Variants in ACTR2 observed in about 807,000 individuals in gnomAD.
The protein encoded by ACTR2 is actin-related protein 2.
In ACTR2, 5 loss-of-function variants were observed where a neutral mutation model predicts 50.2. That is an observed-to-expected ratio of 0.10 (90% CI 0.05 to 0.21). ACTR2 has a LOEUF of 0.21. Among genes scored for constraint, ACTR2 ranks in the 10% least tolerant of loss-of-function variants. ACTR2 has a pLI of 1.00. For missense variants in ACTR2, 180 were observed against 480.6 expected (o/e 0.37, Z 5.85); for synonymous variants, 140 against 162.9 (o/e 0.86, Z 1.07).
At position 65,253,805 on chromosome 2, in the gene ACTR2, C is replaced by T. The variant is rs750220184; in HGVS notation, c.526C>T (p.Pro176Ser). 1.9e-6 allele frequency: 3 copies of T among 1,613,416 alleles called. No individual in the cohort carries two copies. Among genetic ancestry groups the T allele is most frequent in the Non-Finnish European group, 2.5e-6 (3 of 1,179,476 alleles). ...CCCAGTATATGAAGGCTTTTCTCTC[C>T]CTCATCTTACCAGGAGACTGGATAT... ...ICPVYEGFSL[P>S]HLTRRLDIAG... Residue 176 changes from proline (P) to serine (S), a missense_variant, in exon 5 of 9, where the codon CCT becomes TCT. By Grantham distance (74) the Pro-to-Ser change is moderately conservative. Coordinates refer to ENST00000260641, the MANE Select transcript of ACTR2 (RefSeq NM_005722.4).
chr2:65,260,392 G>C (rs1368959079), intron 6 of ACTR2, among the ~76,000 whole-genome samples: 1 of 152,124 alleles, frequency 6.6e-6, no homozygotes, highest in Non-Finnish European at 1.5e-5. Context: ...TGTAATCCGA[G>C]CTACTCAGGA....
At chr2:65,255,509 AT>A in intron 5 of ACTR2, 35 bp from the exon 6 acceptor site, 1 of 1,584,672 alleles carries the variant, frequency 6.3e-7, no homozygotes, top group South Asian at 1.1e-5. Flanking sequence ...ACTCATTCAG[AT>A]GTATTATGAA....
intron 1 of ACTR2, among the ~76,000 whole-genome samples, chr2:65,233,946 A>C (rs969512218): frequency 6.6e-6 from 1 of 151,184 alleles, no homozygotes; most frequent in Non-Finnish European, 1.5e-5. Context: ...TCTGTTGCCT[A>C]GGTGGGAGTG....
Position 65,264,308 on chromosome 2 carries a change from G to C in ACTR2, c.882-735G>C, listed in dbSNP as rs957254063. ...CTTGCTATGGCAATTAAATACAAAA[G>C]CAATGCTTTGTTAGAGTTGCAGTAG... On this transcript the variant is annotated intron_variant, in intron 7 of 8. Coordinates refer to ENST00000260641, the MANE Select transcript of ACTR2 (RefSeq NM_005722.4). Among the ~76,000 whole-genome samples, 6 of 152,150 alleles carry C rather than the reference G, an allele frequency of 3.9e-5. No homozygotes were observed. The East Asian group carries it at 1.2e-3, about 29-fold the overall frequency.
chr2:65,267,815 A>C (rs780618505), intron 8 of ACTR2, among the ~76,000 whole-genome samples: 9 of 148,678 alleles, frequency 6.1e-5, no homozygotes, highest in Non-Finnish European at 1.3e-4. Flanking sequence ...ATTGCCCTGG[A>C]CTAGAATCAT....
At chr2:65,245,693 A>G (rs1465016372) in intron 2 of ACTR2, among the ~76,000 whole-genome samples, 1 of 152,208 alleles carries the variant, frequency 6.6e-6, no homozygotes, top group African/African-American at 2.4e-5. Flanking sequence ...TCTAAAAATA[A>G]GTCTAAATGC....
chr2:65,250,839 C>T (rs1007728133), intron 3 of ACTR2, among the ~76,000 whole-genome samples, 188 bp from the exon 4 acceptor site: 2 of 152,062 alleles, frequency 1.3e-5, no homozygotes, highest in African/African-American at 4.8e-5. Context: ...AATCTGTCTT[C>T]AGATTTGGAG....
chr2:65,262,808 A>G (rs1381929464), intron 7 of ACTR2, among the ~76,000 whole-genome samples: 1 of 151,688 alleles, frequency 6.6e-6, no homozygotes, highest in Non-Finnish European at 1.5e-5. Flanking sequence ...ATTTTTTTCA[A>G]AAAGATTAGC....
intron 1 of ACTR2, among the ~76,000 whole-genome samples, chr2:65,229,259 C>T (rs1026457184): frequency 6.6e-6 from 1 of 152,054 alleles, no homozygotes; most frequent in African/African-American, 2.4e-5. Context: ...TTCTCCCCTC[C>T]CTCCCATAAA....
In ACTR2 at chr2:65,265,027, C is replaced by T. The variant is rs375903788; in HGVS notation, c.882-16C>T. The T allele has an allele frequency of 6.2e-7, 1 of 1,613,990 alleles. No individual in the cohort carries two copies. Among genetic ancestry groups the T allele is most frequent in the Non-Finnish European group, 8.5e-7 (1 of 1,179,928 alleles). On this transcript the variant is annotated splice_polypyrimidine_tract_variant and intron_variant, in intron 7 of 8. Transcript: ENST00000260641. ...TAACCTAAAACTCCAAATGAATAAC[C>T]ATTGTGCCTTTCTAGATCTGAATTC...
chr2:65,236,932 A>T (rs921909667), intron 1 of ACTR2, among the ~76,000 whole-genome samples: 10 of 152,102 alleles, frequency 6.6e-5, no homozygotes, highest in African/African-American at 1.9e-4. Flanking sequence ...TTCATCCTTA[A>T]TTCTAAGAAT....
chr2:65,266,359 G>A (rs1258008358), intron 8 of ACTR2, among the ~76,000 whole-genome samples: 1 of 152,186 alleles, frequency 6.6e-6, no homozygotes, highest in Non-Finnish European at 1.5e-5. Flanking sequence ...CCTTGTGACT[G>A]TCTGGGGGAA....
At chr2:65,231,018 C>T (rs1447583350) in intron 1 of ACTR2, among the ~76,000 whole-genome samples, 2 of 150,664 alleles carry the variant, frequency 1.3e-5, no homozygotes, top group East Asian at 3.9e-4. Context: ...CACGCCACTG[C>T]ACTCCAGCCT....
chr2:65,229,217 A>G (rs963340163), intron 1 of ACTR2, among the ~76,000 whole-genome samples: 1 of 152,158 alleles, frequency 6.6e-6, no homozygotes, highest in Admixed American at 6.6e-5. Context: ...AGTGATTTCT[A>G]ACCATTTTGA....
intron 6 of ACTR2, among the ~76,000 whole-genome samples, chr2:65,256,055 G>A (rs1690187834): frequency 6.6e-6 from 1 of 152,202 alleles, no homozygotes; most frequent in South Asian, 2.1e-4. Flanking sequence ...GGATTACATT[G>A]TCAGATGAGT....
At chr2:65,245,202 A>G (rs1237559120) in intron 2 of ACTR2, among the ~76,000 whole-genome samples, 2 of 151,324 alleles carry the variant, frequency 1.3e-5, no homozygotes, top group African/African-American at 2.4e-5. Context: ...TAAAACTCAT[A>G]TATTTTTAAG....
intron 7 of ACTR2, among the ~76,000 whole-genome samples, chr2:65,263,212 A>AT (rs1054372254): frequency 3.7e-4 from 50 of 135,970 alleles, no homozygotes; most frequent in East Asian, 1.7e-3. Context: ...GACATTTTAA[A>AT]TTTTTTTTTT....
chr2:65,259,475 C>T, intron 6 of ACTR2, among the ~76,000 whole-genome samples: 1 of 152,060 alleles, frequency 6.6e-6, no homozygotes. Context: ...TGCCTGTAAT[C>T]CCAGCACTTT....
chr2:65,237,522 G>A (rs528693970), intron 1 of ACTR2, among the ~76,000 whole-genome samples: 1 of 152,224 alleles, frequency 6.6e-6, no homozygotes, highest in Admixed American at 6.5e-5. Context: ...AATTACAGGT[G>A]TGAGCCACTG....
Sources: gnomAD v4.1 joint callset for allele counts (sites outside exome capture counted in the v4.1 genomes callset) on GRCh38, gnomAD v4.1.1 for gene constraint, MANE v1.5 for transcripts, NCBI Gene and HGNC (gene_info 2026-07-23, HGNC 2026-07-21) for gene names.